Variants in GFOD1 observed in about 807,000 individuals in gnomAD.
GFOD1 encodes the protein Gfo/Idh/MocA-like oxidoreductase domain containing 1, also known as glucose-fructose oxidoreductase domain-containing protein 1.
In GFOD1, 9 loss-of-function variants were observed where a neutral mutation model predicts 25.4. That is an observed-to-expected ratio of 0.35 (90% CI 0.21 to 0.62). The LOEUF is 0.62. Among genes scored for constraint, GFOD1 ranks in the 20% least tolerant of loss-of-function variants. The pLI is 0.72. For synonymous variants in GFOD1, 253 were observed against 245.6 expected, an observed-to-expected ratio of 1.03 and a Z score of -0.28; for missense variants, 403 against 556.9, an observed-to-expected ratio of 0.72 and a Z score of 2.78.
chr6:13,397,015 GAT>G (rs1271174924), intron 1 of GFOD1, among the ~76,000 whole-genome samples: 2 of 152,186 alleles, frequency 1.3e-5, no homozygotes, highest in Non-Finnish European at 2.9e-5. Context: ...GAGTGGTGGT[GAT>G]CACAGGTGTG....
chr6:13,367,014 C>A (rs60272175), intron 1 of GFOD1, among the ~76,000 whole-genome samples: 3,916 of 151,540 alleles, frequency 0.026, 136 homozygotes, highest in African/African-American at 0.083. Context: ...TTAGATAGTA[C>A]TATTAAAGTA....
chr6:13,424,667 A>G (rs1447759578), intron 1 of GFOD1, among the ~76,000 whole-genome samples: 2 of 152,238 alleles, frequency 1.3e-5, no homozygotes, highest in African/African-American at 4.8e-5. Flanking sequence ...TATAGAATAT[A>G]GAAAGAAATG....
chr6:13,431,557 G>C (rs1757750653), intron 1 of GFOD1, among the ~76,000 whole-genome samples: 1 of 152,136 alleles, frequency 6.6e-6, no homozygotes, highest in Non-Finnish European at 1.5e-5. Context: ...CTCACCAATA[G>C]GGCCAAATGC....
intron 1 of GFOD1, among the ~76,000 whole-genome samples, chr6:13,433,266 C>A (rs1382615587): frequency 6.6e-6 from 1 of 152,122 alleles, no homozygotes; most frequent in Admixed American, 6.5e-5. Context: ...ATTACATGCA[C>A]CTGCCACCAC....
chr6:13,392,076 C>T (rs1339879399), intron 1 of GFOD1, among the ~76,000 whole-genome samples: 1 of 152,142 alleles, frequency 6.6e-6, no homozygotes, highest in Non-Finnish European at 1.5e-5. Flanking sequence ...CTAAGAGCTG[C>T]TTCCTAGGCT....
chr6:13,486,247 T>TCCCCCCCCCCCCCCCCCC (rs373896526), intron 1 of GFOD1: 7 of 116,310 alleles, frequency 6.0e-5, no homozygotes, highest in Admixed American at 5.3e-4. Context: ...CACCCCCCCA[T>TCCCCCCCCCCCCCCCCCC]CCCCCCCCCC....
At chr6:13,367,434 T>A (rs1475497854) in intron 1 of GFOD1, among the ~76,000 whole-genome samples, 2 of 152,224 alleles carry the variant, frequency 1.3e-5, no homozygotes, top group African/African-American at 4.8e-5. Context: ...GGATATCACC[T>A]AAATCTGAGG....
intron 1 of GFOD1, among the ~76,000 whole-genome samples, chr6:13,374,357 G>A (rs2127556836): frequency 6.6e-6 from 1 of 150,452 alleles, no homozygotes; most frequent in African/African-American, 2.4e-5. Flanking sequence ...AGGCTGGAGT[G>A]CAGTGGTACA....
chr6:13,370,406 G>C (rs1048089094), intron 1 of GFOD1, among the ~76,000 whole-genome samples: 100 of 152,172 alleles, frequency 6.6e-4, no homozygotes, highest in Middle Eastern at 3.2e-3. Flanking sequence ...AAGGCTTTGG[G>C]ACATATTGTT....
chr6:13,469,161 C>G (rs747081075), intron 1 of GFOD1: 34 of 805,578 alleles, frequency 4.2e-5, no homozygotes, highest in Non-Finnish European at 5.1e-5. Flanking sequence ...CCCTCCAGAA[C>G]AGTAAAGAGG....
chr6:13,484,862 C>T (rs1319106873), intron 1 of GFOD1, among the ~76,000 whole-genome samples: 1 of 152,156 alleles, frequency 6.6e-6, no homozygotes, highest in Non-Finnish European at 1.5e-5. Flanking sequence ...GGTGGAGAAA[C>T]GATGTTAACA....
intron 1 of GFOD1, among the ~76,000 whole-genome samples, chr6:13,393,511 G>A (rs1785658684): frequency 6.6e-6 from 1 of 151,956 alleles, no homozygotes; most frequent in Admixed American, 6.6e-5. Context: ...CAGCAACAGC[G>A]CAGCTCCTGT....
In GFOD1 at chr6:13,362,067, T is replaced by C. The variant is rs1784954860; in HGVS notation, c.*2676A>G. The C allele has an allele frequency of 6.6e-6, 1 of 152,212 alleles. No individual in the cohort carries two copies. 9.4% of individuals were successfully genotyped at this position (152,212 alleles called of 1,614,324 possible). On this transcript the variant is annotated 3_prime_UTR_variant, in exon 2 of 2. Transcript: ENST00000379287. The stretch of plus-strand genomic sequence containing the variant: ...ACCCATTGAATCATTTTGTTTACTT[T>C]CCCTTCATCCTTAATCGGAGCCCTT...
chr6:13,382,483 T>C (rs917230707), intron 1 of GFOD1, among the ~76,000 whole-genome samples: 9 of 152,198 alleles, frequency 5.9e-5, no homozygotes, highest in East Asian at 1.9e-4. Context: ...TTGCTTCTCC[T>C]TCACCTTCCA....
chr6:13,485,864 A>T (rs765259767), intron 1 of GFOD1: 32 of 214,354 alleles, frequency 1.5e-4, no homozygotes, highest in Non-Finnish European at 2.3e-4. Flanking sequence ...TATTACTCCA[A>T]ATTGGGGCAG....
At chr6:13,470,847 G>T (rs1210043099) in intron 1 of GFOD1, among the ~76,000 whole-genome samples, 1 of 152,038 alleles carries the variant, frequency 6.6e-6, no homozygotes, top group Non-Finnish European at 1.5e-5. Flanking sequence ...TCTCACAAAT[G>T]CACACTTACC....
intron 1 of GFOD1, among the ~76,000 whole-genome samples, chr6:13,465,568 C>T (rs2560752): frequency 0.92 from 139,749 of 152,162 alleles, 65,309 homozygotes; most frequent in East Asian, 1. Flanking sequence ...CTTTAAAAAA[C>T]ATGTATACCT....
intron 1 of GFOD1, among the ~76,000 whole-genome samples, chr6:13,420,349 A>T (rs1786235115): frequency 6.6e-6 from 1 of 152,198 alleles, no homozygotes; most frequent in Admixed American, 6.5e-5. Context: ...ACAGCAGTCG[A>T]ATTCTGGCAG....
chr6:13,442,589 T>C (rs1757934383), intron 1 of GFOD1, among the ~76,000 whole-genome samples: 1 of 152,216 alleles, frequency 6.6e-6, no homozygotes, highest in African/African-American at 2.4e-5. Flanking sequence ...TAGGGGCCAA[T>C]GCAGCTGGTG....
Sources: gnomAD v4.1 joint callset for allele counts (sites outside exome capture counted in the v4.1 genomes callset) on GRCh38, gnomAD v4.1.1 for gene constraint, MANE v1.5 for transcripts, NCBI Gene and HGNC (gene_info 2026-07-23, HGNC 2026-07-21) for gene names.